Variants in VAV3 observed in about 807,000 individuals in gnomAD.
The protein encoded by VAV3 is guanine nucleotide exchange factor VAV3.
In VAV3, 94 loss-of-function variants were observed where a neutral mutation model predicts 131.2. That is an observed-to-expected ratio of 0.72 (90% CI 0.61 to 0.85). The LOEUF is 0.85. VAV3 is among the 40% of genes least tolerant of loss of function. The probability of loss-of-function intolerance (pLI) is 0.00; values close to 1 mark genes in which losing one functional copy is unlikely to be tolerated. For synonymous variants in VAV3, 349 were observed against 342.0 expected (o/e 1.02, Z -0.22); for missense variants, 939 against 1,002.7 (o/e 0.94, Z 0.86).
intron 2 of VAV3, among the ~76,000 whole-genome samples, chr1:107,784,611 C>T (rs960740379): frequency 2.6e-5 from 4 of 152,114 alleles, no homozygotes; most frequent in African/African-American, 4.8e-5. Flanking sequence ...AAACATAAGC[C>T]GTGCCAGTGA....
At chr1:107,668,947 T>C in intron 19 of VAV3, 1 of 988,724 alleles carries the variant, frequency 1.0e-6, no homozygotes, top group Non-Finnish European at 1.2e-6. Context: ...TTTATTTGAA[T>C]TCTCTTCAAC....
Position 107,964,715 on chromosome 1 carries a change from G to T in VAV3, c.155C>A (p.Ala52Glu). 1.2e-6 allele frequency: 2 copies of T among 1,614,088 alleles called. No homozygotes were observed. Among genetic ancestry groups the T allele is most frequent in the Non-Finnish European group, 1.7e-6 (2 of 1,179,992 alleles). ...GATCTCCTTCAGGTTGATGGAGTGC[G>T]CCCGGAGGTTGTTAAGCAGCTGGCA... ...LLCQLLNNLRAHSINLKEINL... is the reference protein window; with the variant it reads ...LLCQLLNNLREHSINLKEINL... The change falls in exon 1 of 27, where the codon GCG becomes GAG. Residue 52 changes from alanine to glutamate, a missense_variant. By Grantham distance (107) the Ala-to-Glu change is moderately radical (BLOSUM62 -1). Transcript: ENST00000370056.
At chr1:107,658,345 T>A (rs914219788) in intron 19 of VAV3, among the ~76,000 whole-genome samples, 1 of 152,222 alleles carries the variant, frequency 6.6e-6, no homozygotes, top group African/African-American at 2.4e-5. Context: ...ATCCAGTCTA[T>A]CATTGTTGGA....
At chr1:107,754,967 A>T (rs1440341439) in intron 12 of VAV3, among the ~76,000 whole-genome samples, 1 of 152,136 alleles carries the variant, frequency 6.6e-6, no homozygotes, top group African/African-American at 2.4e-5. Context: ...ACTAATCTCA[A>T]TATGGCATTT....
intron 5 of VAV3, 53 bp downstream of exon 5, chr1:107,772,682 G>A (rs1014094334): frequency 4.1e-6 from 6 of 1,447,190 alleles, no homozygotes; most frequent in South Asian, 1.2e-5. Flanking sequence ...ATGTTAATTA[G>A]CCTTTCCTAA....
At chr1:107,615,357 G>A (rs1653064894) in intron 21 of VAV3, among the ~76,000 whole-genome samples, 1 of 152,094 alleles carries the variant, frequency 6.6e-6, no homozygotes, top group Non-Finnish European at 1.5e-5. Flanking sequence ...GTAAGTGGCA[G>A]CTAAACATTT....
chr1:107,962,483 T>C (rs1675142790), intron 1 of VAV3, among the ~76,000 whole-genome samples: 2 of 152,250 alleles, frequency 1.3e-5, no homozygotes, highest in Admixed American at 1.3e-4. Flanking sequence ...TAAGTACATG[T>C]GCTAGGCACT....
At chr1:107,608,328 T>A (rs1652454073) in intron 22 of VAV3, among the ~76,000 whole-genome samples, 1 of 152,198 alleles carries the variant, frequency 6.6e-6, no homozygotes. Context: ...AATCATTACC[T>A]TTGTAACTAT....
intron 2 of VAV3, among the ~76,000 whole-genome samples, chr1:107,804,288 T>C (rs1431223998): frequency 7.2e-5 from 11 of 152,162 alleles, no homozygotes; most frequent in African/African-American, 2.7e-4. Flanking sequence ...TTGTTGCTTG[T>C]TTTCTGGTTG....
chr1:107,805,368 C>T (rs1431450496), intron 2 of VAV3, among the ~76,000 whole-genome samples: 1 of 151,994 alleles, frequency 6.6e-6, no homozygotes, highest in African/African-American at 2.4e-5. Context: ...TCTTTTTTCT[C>T]CTCTGTGTAA....
chr1:107,751,195 G>A lies in VAV3; in HGVS notation c.1181C>T (p.Pro394Leu). 1 of 1,611,822 alleles carries A rather than the reference G, an allele frequency of 6.2e-7. No homozygotes were observed. The highest frequency in any genetic ancestry group is 1.1e-5 in the South Asian group (1 of 90,552). ...CTGAGGTCGTCCAAAAAGCAAAACT[G>A]GTTGGTTCTAAAATATAAAATGCAC... ...FQLSIENLNQ[P>L]VLLFGRPQGD... Residue 394 changes from proline (P) to leucine (L), a missense_variant, in exon 13 of 27, where the codon CCA becomes CTA. By Grantham distance (98) the Pro-to-Leu change is moderately conservative (BLOSUM62 -3). Transcript: ENST00000370056.
At chr1:107,902,444 T>A (rs562982313) in intron 1 of VAV3, among the ~76,000 whole-genome samples, 1 of 152,232 alleles carries the variant, frequency 6.6e-6, no homozygotes, top group Non-Finnish European at 1.5e-5. Context: ...TGTTTCACAT[T>A]CTGGAAGAAT....
intron 21 of VAV3, among the ~76,000 whole-genome samples, chr1:107,610,220 T>C (rs1652625770): frequency 6.6e-6 from 1 of 152,208 alleles, no homozygotes; most frequent in African/African-American, 2.4e-5. Context: ...AGCAGGCGAA[T>C]ATGAACTGGA....
At chr1:107,744,765 C>T (rs1663232514) in intron 15 of VAV3, among the ~76,000 whole-genome samples, 2 of 152,024 alleles carry the variant, frequency 1.3e-5, no homozygotes, top group Admixed American at 6.5e-5. Context: ...AAAACAAAAA[C>T]AAAAAACACA....
At position 107,748,951 on chromosome 1, in the gene VAV3, A is replaced by G. The variant is rs775795016; in HGVS notation, c.1502+17T>C. ...ACTAGTAAAAATAAAAGCACTTTTA[A>G]AAATAGAAATACTCACAAAGCCATT... is the stretch of plus-strand genomic sequence containing the variant. On this transcript the variant is annotated intron_variant, in intron 15 of 26. Coordinates refer to ENST00000370056, the MANE Select transcript of VAV3 (RefSeq NM_006113.5). The G allele has an allele frequency of 3.9e-6, 6 of 1,542,284 alleles. No individual in the cohort carries two copies. Among genetic ancestry groups the G allele is most frequent in the Non-Finnish European group, 4.4e-6 (5 of 1,132,726 alleles).
intron 12 of VAV3, among the ~76,000 whole-genome samples, chr1:107,753,063 T>A (rs1391654556): frequency 6.6e-6 from 1 of 152,062 alleles, no homozygotes; most frequent in African/African-American, 2.4e-5. Flanking sequence ...CAAATGTTCA[T>A]CAATGAAAAA....
chr1:107,815,129 C>G (rs899005279), intron 2 of VAV3, among the ~76,000 whole-genome samples: 1 of 152,184 alleles, frequency 6.6e-6, no homozygotes, highest in African/African-American at 2.4e-5. Flanking sequence ...TCGTTCACTT[C>G]GGCTGCTGTG....
chr1:107,918,580 G>A (rs941716861), intron 1 of VAV3, among the ~76,000 whole-genome samples: 3 of 150,836 alleles, frequency 2.0e-5, no homozygotes, highest in Admixed American at 6.6e-5. Context: ...TTTGCTCACT[G>A]TATCCAAATT....
At chr1:107,959,991 A>G (rs1675003583) in intron 1 of VAV3, among the ~76,000 whole-genome samples, 1 of 152,190 alleles carries the variant, frequency 6.6e-6, no homozygotes, top group Non-Finnish European at 1.5e-5. Context: ...TAGTCCATCA[A>G]TAAACCCCTG....
Sources: allele counts gnomAD v4.1 joint callset (sites outside exome capture counted in the v4.1 genomes callset), GRCh38; gene constraint gnomAD v4.1.1; transcripts MANE v1.5; gene names NCBI Gene and HGNC (gene_info 2026-07-23, HGNC 2026-07-21).